NUP153: variants seen among roughly 807,000 people sequenced by gnomAD.
NUP153 encodes nuclear pore complex protein Nup153.
Under a neutral mutation model 134.6 loss-of-function variants are expected in NUP153, and 27 were observed. The observed-to-expected ratio is 0.20, with a 90% CI of 0.15 to 0.28. The LOEUF (loss-of-function observed/expected upper bound fraction) is 0.28. Among genes scored for constraint, NUP153 ranks in the 10% least tolerant of loss-of-function variants. The probability of loss-of-function intolerance (pLI) is 1.00; values close to 1 mark genes in which losing one functional copy is unlikely to be tolerated. For synonymous variants in NUP153, 640 were observed against 623.5 expected (o/e 1.03, Z -0.40); for missense variants, 1,821 against 1,731.3 (o/e 1.05, Z -0.92).
chr6:17,640,909 C>T (rs1765800366), intron 14 of NUP153, among the ~76,000 whole-genome samples: 1 of 152,122 alleles, frequency 6.6e-6, no homozygotes, highest in Non-Finnish European at 1.5e-5. Flanking sequence ...TGGCATGAGT[C>T]ATCATGCCTG....
At chr6:17,658,143 T>C (rs943091531) in intron 11 of NUP153, among the ~76,000 whole-genome samples, 3 of 152,220 alleles carry the variant, frequency 2.0e-5, no homozygotes, top group African/African-American at 7.2e-5. Context: ...CTCACGCCTA[T>C]AATCCCAGCA....
chr6:17,628,742 A>C lies in NUP153; in HGVS notation c.3457T>G (p.Phe1153Val), dbSNP rs1561856294. 1 of 1,614,186 alleles carries C rather than the reference A, an allele frequency of 6.2e-7. No homozygotes were observed. Among genetic ancestry groups the C allele is most frequent in the Non-Finnish European group, 8.5e-7 (1 of 1,180,024 alleles). The change falls in exon 18 of 22, where the codon TTT (phenylalanine) becomes GTT (valine). Residue 1153 changes from phenylalanine to valine, a missense_variant. By Grantham distance (50) the Phe-to-Val change is conservative (BLOSUM62 -1). Coordinates refer to ENST00000262077, the MANE Select transcript of NUP153 (RefSeq NM_005124.4). This position sits in a 1 kb window ranked among gnomAD's most constrained non-coding sequence, Gnocchi z 5.4. ...TTCTCAGATGGTTTTGTCATACTAAAACTAAATGTGGACTTTGAAGAATTC... is the reference window on the plus strand; with the variant it reads ...TTCTCAGATGGTTTTGTCATACTAACACTAAATGTGGACTTTGAAGAATTC... ...DENSSKSTFS[F>V]SMTKPSEKES... is the part of the protein sequence containing the mutation.
In NUP153 at chr6:17,646,021, T is replaced by C. The variant is rs377048031; in HGVS notation, c.1720+46A>G. On this transcript the variant is annotated intron_variant, in intron 14 of 21. Transcript: ENST00000262077. ...GAAAGAAGCTGAAATACTAATCTAC[T>C]GTATGCAATTGTTTGTATGTTAAAA... The C allele has an allele frequency of 2.6e-5, 20 of 782,588 alleles. No individual in the cohort carries two copies. The African/African-American group carries it at 3.5e-4, about 14-fold the overall frequency. 48.5% of individuals were successfully genotyped at this position (782,588 alleles called of 1,614,324 possible). A position where few individuals can be genotyped will look rare whatever the true frequency, so the allele number is the denominator to read the frequency against.
chr6:17,631,974 C>T (rs1461680385), intron 17 of NUP153, among the ~76,000 whole-genome samples: 5 of 151,420 alleles, frequency 3.3e-5, no homozygotes, highest in Admixed American at 2.6e-4. Flanking sequence ...TCAAAAAAAA[C>T]ACAAAAATCT....
At chr6:17,689,879 A>G (rs1461145511) in intron 1 of NUP153, among the ~76,000 whole-genome samples, 4 of 152,040 alleles carry the variant, frequency 2.6e-5, no homozygotes, top group African/African-American at 9.7e-5. Context: ...AATAGCTTTC[A>G]CTATTATTTT....
intron 7 of NUP153, 129 bp downstream of exon 7, chr6:17,669,164 T>C: frequency 9.7e-7 from 1 of 1,027,720 alleles, no homozygotes; most frequent in Non-Finnish European, 1.4e-6. Flanking sequence ...CTGCAACCTC[T>C]GCCTCCCAAG....
rs1198432959 is a variant in NUP153 at position 17,706,479 on chromosome 6, C to T, written c.-92G>A. Reference sequence around the variant, plus strand: ...TTAGAGAGCCTCCCCCGCCGCCCGGCCCCGGCCCAAAAGTCCGCCCGCGCT... The same window carrying T: ...TTAGAGAGCCTCCCCCGCCGCCCGGTCCCGGCCCAAAAGTCCGCCCGCGCT... On this transcript the variant is annotated 5_prime_UTR_variant, in exon 1 of 22. Coordinates refer to ENST00000262077, the MANE Select transcript of NUP153 (RefSeq NM_005124.4). The surrounding 1 kb of genome is among the most constrained non-coding windows in gnomAD (Gnocchi z 5.9). 5.1e-6 allele frequency: 5 copies of T among 979,550 alleles called. No homozygotes were observed. The Admixed American group carries it at 1.3e-4, about 25-fold the overall frequency. 60.7% of individuals were successfully genotyped at this position (979,550 alleles called of 1,614,324 possible).
rs1231945013 is a variant in NUP153, at chr6:17,623,017, C to T, written c.4174+1544G>A. Among the ~76,000 whole-genome samples, 3 of 151,644 alleles carry T rather than the reference C, an allele frequency of 2.0e-5. No homozygotes were observed. In the East Asian group the frequency reaches 5.8e-4, roughly 30 times the overall value. On this transcript the variant is annotated intron_variant, in intron 20 of 21. Transcript: ENST00000262077. ...TGGTGGCACGTGCCTGTAGTCCCAGCTACTTGGGAGGCTGAGGCAGAAGAA... is the reference window on the plus strand; with the variant it reads ...TGGTGGCACGTGCCTGTAGTCCCAGTTACTTGGGAGGCTGAGGCAGAAGAA...
At chr6:17,634,661 T>C (rs892408650) in intron 16 of NUP153, among the ~76,000 whole-genome samples, 5 of 152,178 alleles carry the variant, frequency 3.3e-5, no homozygotes, top group African/African-American at 1.2e-4. Flanking sequence ...GGTCTCAAAC[T>C]CCTGACCTCA....
chr6:17,652,887 G>A (rs987886149), intron 11 of NUP153, among the ~76,000 whole-genome samples: 15 of 152,172 alleles, frequency 9.9e-5, no homozygotes, highest in African/African-American at 3.4e-4. Context: ...AAATTAGCTG[G>A]GCGTGGTGGC....
chr6:17,643,241 GGCGGCCAGATCAC>G (rs1765948072), intron 14 of NUP153, among the ~76,000 whole-genome samples: 1 of 152,224 alleles, frequency 6.6e-6, no homozygotes, highest in Non-Finnish European at 1.5e-5. Context: ...GAGACGCCTA[GGCGGCCAGATCAC>G]CTGAGGTCAG....
At chr6:17,702,265 T>G (rs948901055) in intron 1 of NUP153, among the ~76,000 whole-genome samples, 2 of 152,068 alleles carry the variant, frequency 1.3e-5, no homozygotes, top group African/African-American at 4.8e-5. Flanking sequence ...ACCAGCACTT[T>G]GGGAGGCCGA....
intron 20 of NUP153, among the ~76,000 whole-genome samples, chr6:17,623,482 T>A (rs532502083): frequency 6.6e-6 from 1 of 152,316 alleles, no homozygotes; most frequent in African/African-American, 2.4e-5. Flanking sequence ...AGGAAAAGTT[T>A]TTATTATCTT....
chr6:17,648,190 A>G (rs1043939931), intron 12 of NUP153, among the ~76,000 whole-genome samples: 1 of 152,230 alleles, frequency 6.6e-6, no homozygotes, highest in Non-Finnish European at 1.5e-5. Flanking sequence ...GCAAGTATTA[A>G]AATTTCAGGA....
At chr6:17,703,180 A>C (rs1195367241) in intron 1 of NUP153, among the ~76,000 whole-genome samples, 1 of 150,394 alleles carries the variant, frequency 6.6e-6, no homozygotes, top group Non-Finnish European at 1.5e-5. Flanking sequence ...CCTGGGCCAC[A>C]GAACGAGACT....
At chr6:17,621,142 A>G (rs561264688) in intron 20 of NUP153, among the ~76,000 whole-genome samples, 2 of 152,354 alleles carry the variant, frequency 1.3e-5, no homozygotes, top group Admixed American at 1.3e-4. Context: ...CATAAGGGAA[A>G]TGCAAATCAA....
chr6:17,686,742 T>C (rs1432739462), intron 2 of NUP153, among the ~76,000 whole-genome samples: 1 of 151,582 alleles, frequency 6.6e-6, no homozygotes, highest in South Asian at 2.1e-4. Flanking sequence ...TTGAAGTAGA[T>C]ATCAAAATGC....
At chr6:17,696,143 C>T (rs770225429) in intron 1 of NUP153, among the ~76,000 whole-genome samples, 1 of 152,112 alleles carries the variant, frequency 6.6e-6, no homozygotes, top group Non-Finnish European at 1.5e-5. Flanking sequence ...AACAAACCAA[C>T]CAACCCCAAA....
intron 17 of NUP153, among the ~76,000 whole-genome samples, chr6:17,630,201 G>C (rs1048420742): frequency 2.0e-5 from 3 of 152,232 alleles, no homozygotes; most frequent in African/African-American, 7.2e-5. Flanking sequence ...ACATTTGGAA[G>C]TGGGAGGGAA....
Sources: allele counts gnomAD v4.1 joint callset (sites outside exome capture counted in the v4.1 genomes callset), GRCh38; gene constraint gnomAD v4.1.1; non-coding constraint Gnocchi (gnomAD v3.1); transcripts MANE v1.5; gene names NCBI Gene and HGNC (gene_info 2026-07-23, HGNC 2026-07-21).